FBXO43: variants seen among roughly 807,000 people sequenced by gnomAD.
FBXO43 encodes F-box protein 43, also known as F-box only protein 43.
A neutral mutation model predicts 56.7 loss-of-function variants in FBXO43; 22 were observed. The observed-to-expected ratio is 0.39, with a 90% CI of 0.28 to 0.55. The LOEUF (loss-of-function observed/expected upper bound fraction) is 0.55. FBXO43 is among the 20% of genes least tolerant of loss of function. The probability of loss-of-function intolerance (pLI) is 0.66; values close to 1 mark genes in which losing one functional copy is unlikely to be tolerated. For synonymous variants in FBXO43, 306 were observed against 294.5 expected (o/e 1.04, Z -0.40); for missense variants, 733 against 814.9 (o/e 0.90, Z 1.22).
At chr8:100,134,510 C>T in intron 3 of FBXO43, 146 bp from the exon 4 acceptor site, 1 of 508,428 alleles carries the variant, frequency 2.0e-6, no homozygotes, top group Non-Finnish European at 3.2e-6. Flanking sequence ...GAAAAAAAAA[C>T]AAACAAAACA....
Position 100,133,565 on chromosome 8 carries a change from T to C in FBXO43, c.*237A>G. 2.5e-6 allele frequency: 1 copy of C among 397,034 alleles called. No individual in the cohort carries two copies. The highest frequency in any genetic ancestry group is 4.4e-6 in the Non-Finnish European group (1 of 225,428). The allele number at this position is 397,034 out of a possible 1,614,324, so 24.6% of individuals were successfully genotyped here. On this transcript the variant is annotated 3_prime_UTR_variant, in exon 5 of 5. Coordinates refer to ENST00000428847, the MANE Select transcript of FBXO43 (RefSeq NM_001029860.4). Reference sequence around the variant, plus strand: ...ATAAAGTACATACATATAACAACAATGAAAATTCTTTATTTAAAATACCAA... The same window carrying C: ...ATAAAGTACATACATATAACAACAACGAAAATTCTTTATTTAAAATACCAA...
upstream of FBXO43, among the ~76,000 whole-genome samples, chr8:100,150,205 C>T (rs1359056053): frequency 6.6e-6 from 1 of 152,212 alleles, no homozygotes; most frequent in African/African-American, 2.4e-5. Context: ...GCAGCTGCCC[C>T]ACTGCCCCAG....
At chr8:100,140,615 CAA>C (rs1563753183) in intron 2 of FBXO43, 66 bp downstream of exon 2, 2 of 1,251,192 alleles carry the variant, frequency 1.6e-6, no homozygotes, top group East Asian at 4.8e-5. Context: ...GACAACCACT[CAA>C]GTCACAGAAA....
At chr8:100,134,620 T>G (rs1441974758) in intron 3 of FBXO43, among the ~76,000 whole-genome samples, 2 of 152,064 alleles carry the variant, frequency 1.3e-5, no homozygotes, top group African/African-American at 4.8e-5. Context: ...TGGCTGGTTA[T>G]TTTTCCATTT....
At chr8:100,136,699 T>G (rs760731043) in intron 3 of FBXO43, among the ~76,000 whole-genome samples, 8 of 152,228 alleles carry the variant, frequency 5.3e-5, no homozygotes, top group Non-Finnish European at 7.3e-5. Context: ...CCTGGCTAAC[T>G]GCTAACTCAT....
chr8:100,134,980 G>T (rs986673733), intron 3 of FBXO43, among the ~76,000 whole-genome samples: 1 of 151,990 alleles, frequency 6.6e-6, no homozygotes, highest in Admixed American at 6.6e-5. Flanking sequence ...CAGTTCTGGT[G>T]GATAATGGGA....
At chr8:100,140,390 A>G (rs1037494548) in intron 2 of FBXO43, among the ~76,000 whole-genome samples, 14 of 152,212 alleles carry the variant, frequency 9.2e-5, no homozygotes, top group African/African-American at 3.4e-4. Context: ...GAATGGCGTG[A>G]ACCCGGGAGG....
In FBXO43 at chr8:100,140,847, T is replaced by C; in HGVS notation, c.1407A>G (p.Gln469=). The stretch of plus-strand genomic sequence containing the variant: ...GTACAGCTATTTTCTCCCCATCCCC[T>C]TGCTCTAAGAATTCATGTCCACTAT... ...QENSGHEFLE[Q]GDGEKIAVLQ... Residue 469 remains glutamine, a synonymous_variant, in exon 2 of 5, where the codon CAA becomes CAG. Transcript: ENST00000428847. 1.9e-6 allele frequency: 3 copies of C among 1,614,230 alleles called. No homozygotes were observed. Among genetic ancestry groups the C allele is most frequent in the Non-Finnish European group, 2.5e-6 (3 of 1,180,032 alleles).
chr8:100,133,755 G>A lies in FBXO43; in HGVS notation c.*47C>T. The A allele has an allele frequency of 2.6e-6, 4 of 1,535,334 alleles. No homozygotes were observed. Among genetic ancestry groups the A allele is most frequent in the Non-Finnish European group, 3.5e-6 (4 of 1,142,090 alleles). ...GTATTCAAAATATTCATAATTTTAAGTCAGATAAATAGAACACTGCATGGG... is the reference window on the plus strand; with the variant it reads ...GTATTCAAAATATTCATAATTTTAAATCAGATAAATAGAACACTGCATGGG... On this transcript the variant is annotated 3_prime_UTR_variant, in exon 5 of 5. Transcript: ENST00000428847.
At chr8:100,136,576 C>T (rs1814476788) in intron 3 of FBXO43, among the ~76,000 whole-genome samples, 1 of 152,170 alleles carries the variant, frequency 6.6e-6, no homozygotes, top group Admixed American at 6.5e-5. Context: ...AATTCAAATC[C>T]TCAAGGGAGT....
chr8:100,141,567 C>A lies in FBXO43; in HGVS notation c.687G>T (p.Gln229His). Residue 229 changes from glutamine to histidine, a missense_variant, in exon 2 of 5, where the codon CAG (glutamine) becomes CAT (histidine). Gln to His is a conservative substitution (Grantham distance 24). Coordinates refer to ENST00000428847, the MANE Select transcript of FBXO43 (RefSeq NM_001029860.4). ...AATCATCAATTGTGGAAGTCTTTTG[C>A]TGAGAAAAATTAAGCCTCAATTTTT... Reference protein sequence around the residue: ...CSQKLRLNFSQQKTSTIDDSK... With the variant: ...CSQKLRLNFSHQKTSTIDDSK... 1.2e-6 allele frequency: 2 copies of A among 1,611,478 alleles called. No homozygotes were observed. The highest frequency in any genetic ancestry group is 1.7e-6 in the Non-Finnish European group (2 of 1,180,018).
upstream of FBXO43, among the ~76,000 whole-genome samples, chr8:100,150,015 C>G (rs1172530781): frequency 6.6e-6 from 1 of 152,034 alleles, no homozygotes; most frequent in Non-Finnish European, 1.5e-5. Flanking sequence ...GAACGGAGGG[C>G]GGGTGAGTAG....
chr8:100,141,675 A>G lies in FBXO43; in HGVS notation c.579T>C (p.Ser193=). Residue 193 remains serine (S), a synonymous_variant, in exon 2 of 5, where the codon AGT becomes AGC. Transcript: ENST00000428847. ...TATTTGCCCTGGAAAAACCTGAAGC[A>G]CTGCTTGGAATATTTTTTTCTAAGT... ...VINLEKNIPS[S]ASGFSRANNF... 6.2e-7 allele frequency: 1 copy of G among 1,612,586 alleles called. No homozygotes were observed. The highest frequency in any genetic ancestry group is 8.5e-7 in the Non-Finnish European group (1 of 1,178,882).
chr8:100,140,678 C>T lies in FBXO43; in HGVS notation c.1571+5G>A. The T allele has an allele frequency of 6.4e-7, 1 of 1,558,368 alleles. No homozygotes were observed. Among genetic ancestry groups the T allele is most frequent in the East Asian group, 2.3e-5 (1 of 44,368 alleles). Reference sequence around the variant, plus strand: ...TTTATTTCATAAACAACTCTTACTTCTTACCTGCATAGGCTCTCTGCGGTC... The same window carrying T: ...TTTATTTCATAAACAACTCTTACTTTTTACCTGCATAGGCTCTCTGCGGTC... On this transcript the variant is annotated splice_donor_5th_base_variant and intron_variant, in intron 2 of 4. Coordinates refer to ENST00000428847, the MANE Select transcript of FBXO43 (RefSeq NM_001029860.4).
At chr8:100,140,582 A>G in intron 2 of FBXO43, 101 bp downstream of exon 2, 1 of 892,904 alleles carries the variant, frequency 1.1e-6, no homozygotes, top group Non-Finnish European at 1.7e-6. Flanking sequence ...AACAAAAGAC[A>G]GAGATAATAA....
chr8:100,133,624 A>C lies in FBXO43; in HGVS notation c.*178T>G, dbSNP rs991673421. The C allele has an allele frequency of 4.6e-6, 3 of 646,400 alleles. No individual in the cohort carries two copies. In the African/African-American group the frequency reaches 5.6e-5, roughly 12 times the overall value. The allele number at this position is 646,400 out of a possible 1,614,324, so 40.0% of individuals were successfully genotyped here. ...AATGGGTAAAATGACATAGTAAAAT[A>C]AAATTTTTTCAAAACAACTTTAAAG... On this transcript the variant is annotated 3_prime_UTR_variant, in exon 5 of 5. Transcript: ENST00000428847.
chr8:100,149,915 C>T (rs1019001013), upstream of FBXO43, among the ~76,000 whole-genome samples: 53 of 152,100 alleles, frequency 3.5e-4, no homozygotes, highest in Non-Finnish European at 1.0e-4. Context: ...CGTTCTGAAC[C>T]CAACTGATCC....
intron 1 of FBXO43, 171 bp downstream of exon 1, chr8:100,144,880 C>A: frequency 1.6e-6 from 1 of 637,272 alleles, no homozygotes; most frequent in Non-Finnish European, 2.4e-6. Context: ...TGCAGTGAGC[C>A]GAGATCGCGC....
In FBXO43 at chr8:100,134,281, A is replaced by G. The variant is rs1368012536; in HGVS notation, c.1758T>C (p.Ala586=). The G allele has an allele frequency of 6.2e-7, 1 of 1,614,036 alleles. No homozygotes were observed. The highest frequency in any genetic ancestry group is 1.3e-5 in the African/African-American group (1 of 74,944). The change falls in exon 4 of 5, where the codon GCT becomes GCC. Residue 586 remains alanine, a synonymous_variant. Transcript: ENST00000428847. ...GCTCTCTCTGAGAACCAGGTATCCT[A>G]GCCTGTGCCTGCACAGATCTTAAAG... is the stretch of plus-strand genomic sequence containing the variant. The part of the protein sequence containing the change: ...RSALRSVQAQ[A]RIPGSQREQG...
Sources: gnomAD v4.1 joint callset for allele counts (sites outside exome capture counted in the v4.1 genomes callset) on GRCh38, gnomAD v4.1.1 for gene constraint, MANE v1.5 for transcripts, NCBI Gene and HGNC (gene_info 2026-07-23, HGNC 2026-07-21) for gene names.